The following ARID4B variants were observed in gnomAD, a reference collection of about 807,000 sequenced individuals.
The protein encoded by ARID4B is AT-rich interaction domain 4B, also known as AT-rich interactive domain-containing protein 4B.
ARID4B carries 26 observed loss-of-function variants against 147.5 expected under a neutral mutation model. The ratio of observed to expected loss-of-function variants is 0.18; its 90% confidence interval spans 0.13 to 0.24. ARID4B has a LOEUF of 0.24. ARID4B is among the 10% of genes least tolerant of loss of function. The pLI is 1.00. For missense variants in ARID4B, 1,179 were observed against 1,511.5 expected (o/e 0.78, Z 3.65); for synonymous variants, 512 against 507.9 (o/e 1.01, Z -0.11).
intron 2 of ARID4B, among the ~76,000 whole-genome samples, chr1:235,319,012 A>G (rs1289374058): frequency 6.6e-6 from 1 of 152,222 alleles, no homozygotes; most frequent in South Asian, 2.1e-4. Context: ...ACAGATAGCT[A>G]GGGATAAGTA....
chr1:235,170,659 A>G (rs1276208059), intron 23 of ARID4B, among the ~76,000 whole-genome samples: 4 of 152,002 alleles, frequency 2.6e-5, no homozygotes, highest in Non-Finnish European at 2.9e-5. Context: ...AATGGCGTGA[A>G]CCCGGGAGGC....
At chr1:235,241,367 T>A (rs1008275268) in intron 7 of ARID4B, among the ~76,000 whole-genome samples, 62 of 152,190 alleles carry the variant, frequency 4.1e-4, no homozygotes, top group Admixed American at 1.6e-3. Flanking sequence ...ACTGACAGAT[T>A]AAACTACTAA....
At chr1:235,236,857 TATA>T (rs1558233717) in intron 8 of ARID4B, among the ~76,000 whole-genome samples, 12 of 43,916 alleles carry the variant, frequency 2.7e-4, no homozygotes, top group African/African-American at 9.0e-4. Context: ...TATATATATA[TATA>T]TATTTTTTTT....
In ARID4B at chr1:235,257,212, T is replaced by C. The variant is rs1395887823; in HGVS notation, c.131A>G (p.His44Arg). The C allele has an allele frequency of 1.9e-6, 3 of 1,612,356 alleles. No individual in the cohort carries two copies. Among genetic ancestry groups the C allele is most frequent in the South Asian group, 1.1e-5 (1 of 91,036 alleles). The change falls in exon 4 of 24, where the codon CAT becomes CGT. Residue 44 changes from histidine (H) to arginine (R), a missense_variant. By Grantham distance (29) the His-to-Arg change is conservative. Coordinates refer to ENST00000264183, the MANE Select transcript of ARID4B (RefSeq NM_016374.6). ...CTGAACTTCCACTGTTGAAGAATCA[T>C]GTCTAAATGTCACCTAGAGATTATA... Reference protein sequence around the residue: ...RLVKVKVTFRHDSSTVEVQDD... With the variant: ...RLVKVKVTFRRDSSTVEVQDD...
In ARID4B at chr1:235,301,558, CT is replaced by C. The variant is rs1164655550; in HGVS notation, c.6+25355del. ...TCTTTTTTTTTTTTTTTTTTTTCTC[CT>C]TTTGAGACAGGGTGGCCTTGCCCTG... is the stretch of plus-strand genomic sequence containing the variant. On this transcript the variant is annotated intron_variant, in intron 2 of 23. Coordinates refer to ENST00000264183, the MANE Select transcript of ARID4B (RefSeq NM_016374.6). Among the ~76,000 whole-genome samples the C allele has an allele frequency of 5.8e-5, 7 of 120,786 alleles. No homozygotes were observed. In the South Asian group the frequency reaches 8.9e-4, roughly 15 times the overall value. The allele number at this position is 120,786 out of a possible 152,430, so 79.2% of individuals were successfully genotyped here.
chr1:235,225,794 C>A (rs568729466), intron 11 of ARID4B, among the ~76,000 whole-genome samples: 5 of 152,148 alleles, frequency 3.3e-5, no homozygotes, highest in African/African-American at 1.2e-4. Flanking sequence ...ACTGCTTTAG[C>A]GAGATTGTCT....
chr1:235,242,031 T>C (rs1217847001), intron 7 of ARID4B, among the ~76,000 whole-genome samples: 1 of 151,914 alleles, frequency 6.6e-6, no homozygotes, highest in Non-Finnish European at 1.5e-5. Context: ...GTGGATCACC[T>C]GAGGTCAGGA....
At chr1:235,223,040 A>T in intron 13 of ARID4B, 126 bp downstream of exon 13, 1 of 641,276 alleles carries the variant, frequency 1.6e-6, no homozygotes, top group Non-Finnish European at 2.6e-6. Flanking sequence ...TTTCCACTTT[A>T]TCTTCTTCTT....
chr1:235,264,834 G>A (rs1038255516), intron 2 of ARID4B, among the ~76,000 whole-genome samples: 1 of 152,024 alleles, frequency 6.6e-6, no homozygotes, highest in African/African-American at 2.4e-5. Flanking sequence ...AAGGCGGGTG[G>A]ATTACCTGAA....
intron 19 of ARID4B, among the ~76,000 whole-genome samples, chr1:235,187,427 G>A (rs1664774983): frequency 6.6e-6 from 1 of 152,202 alleles, no homozygotes; most frequent in African/African-American, 2.4e-5. Context: ...AGATTAACAA[G>A]AGATGATTAA....
intron 2 of ARID4B, among the ~76,000 whole-genome samples, chr1:235,324,578 T>TA (rs1675089547): frequency 6.6e-6 from 1 of 152,212 alleles, no homozygotes; most frequent in Non-Finnish European, 1.5e-5. Context: ...TGCTCCCAAG[T>TA]ACAAATATGT....
At chr1:235,237,722 T>G (rs1668697615) in intron 8 of ARID4B, among the ~76,000 whole-genome samples, 1 of 152,210 alleles carries the variant, frequency 6.6e-6, no homozygotes, top group Admixed American at 6.5e-5. Flanking sequence ...TAAGTTTTCA[T>G]ACAAATACAT....
At chr1:235,305,841 T>TC (rs766914618) in intron 2 of ARID4B, among the ~76,000 whole-genome samples, 2 of 152,084 alleles carry the variant, frequency 1.3e-5, no homozygotes, top group Non-Finnish European at 2.9e-5. Context: ...ACACCTGTAC[T>TC]CCCAGCTACT....
Position 235,167,970 on chromosome 1 carries a change from T to A in ARID4B, c.*555A>T, listed in dbSNP as rs1663067906. The A allele has an allele frequency of 5.1e-6, 1 of 197,000 alleles. No homozygotes were observed. Among genetic ancestry groups the A allele is most frequent in the Non-Finnish European group, 1.1e-5 (1 of 94,756 alleles). The allele number at this position is 197,000 out of a possible 1,614,324, so 12.2% of individuals were successfully genotyped here. ...AGTCTTTTTTAAAGAGAATCTTTAA[T>A]ATTTGGTTACCAGGATTGATGTCTA... On this transcript the variant is annotated 3_prime_UTR_variant, in exon 24 of 24. Coordinates refer to ENST00000264183, the MANE Select transcript of ARID4B (RefSeq NM_016374.6).
At chr1:235,183,542 TTTTTC>T (rs1664467412) in intron 19 of ARID4B, among the ~76,000 whole-genome samples, 2 of 152,052 alleles carry the variant, frequency 1.3e-5, no homozygotes, top group Admixed American at 1.3e-4. Flanking sequence ...ATAGCCTTCA[TTTTTC>T]TTTTCATCAG....
At chr1:235,296,882 C>G (rs1672780564) in intron 2 of ARID4B, among the ~76,000 whole-genome samples, 2 of 74,178 alleles carry the variant, frequency 2.7e-5, no homozygotes, top group South Asian at 9.3e-4. Flanking sequence ...CTTCCTGTAT[C>G]TAAATACTAA....
chr1:235,176,273 G>C (rs1382198853), intron 21 of ARID4B, among the ~76,000 whole-genome samples: 1 of 151,604 alleles, frequency 6.6e-6, no homozygotes, highest in Non-Finnish European at 1.5e-5. Context: ...ATAACTCATT[G>C]AAGATGCGCT....
intron 2 of ARID4B, among the ~76,000 whole-genome samples, chr1:235,322,486 A>G (rs1326864815): frequency 6.6e-6 from 1 of 152,180 alleles, no homozygotes; most frequent in Non-Finnish European, 1.5e-5. Context: ...CTCTATCTGA[A>G]AAACTTTTCT....
At chr1:235,296,114 C>A in intron 2 of ARID4B, 2 of 173,424 alleles carry the variant, frequency 1.2e-5, no homozygotes, top group East Asian at 1.5e-4. Flanking sequence ...TCAAGTTTCC[C>A]CTGACCACTG....
Sources: allele counts gnomAD v4.1 joint callset (sites outside exome capture counted in the v4.1 genomes callset), GRCh38; gene constraint gnomAD v4.1.1; transcripts MANE v1.5; gene names NCBI Gene and HGNC (gene_info 2026-07-23, HGNC 2026-07-21).